Variants in MAP1A observed in about 807,000 individuals in gnomAD.
MAP1A encodes microtubule-associated protein 1A.
A neutral mutation model predicts 185.9 loss-of-function variants in MAP1A; 42 were observed. That is an observed-to-expected ratio of 0.23 (90% CI 0.18 to 0.29). The LOEUF (loss-of-function observed/expected upper bound fraction) is 0.29. Among genes scored for constraint, MAP1A ranks in the 10% least tolerant of loss-of-function variants. The pLI, the probability that MAP1A is intolerant of heterozygous loss-of-function variation, is 1.00. For missense variants in MAP1A, 2,995 were observed against 3,450.4 expected (o/e 0.87, Z 3.31); for synonymous variants, 1,229 against 1,335.9 (o/e 0.92, Z 1.74).
Position 43,525,467 on chromosome 15 carries a change from G to C in MAP1A, c.3994G>C (p.Gly1332Arg). 1.2e-6 allele frequency: 2 copies of C among 1,614,246 alleles called. No individual in the cohort carries two copies. Among genetic ancestry groups the C allele is most frequent in the South Asian group, 1.1e-5 (1 of 91,080 alleles). The change falls in exon 4 of 6, where the codon GGC becomes CGC. Residue 1332 changes from glycine (G) to arginine (R), a missense_variant. Around this residue, in one of 3 missense-constraint regions of MAP1A, gnomAD observed 2,728 missense variants for 2,986.0 expected, o/e 0.91. Coordinates refer to ENST00000300231, the MANE Select transcript of MAP1A (RefSeq NM_002373.6). ...CTCCAAGAGTCCTGAGTCTTTGCCA[G>C]GCCCTGCCTTGGAGGACATTGCCAT... ...SFSKSPESLP[G>R]PALEDIAIKW...
chr15:43,530,006 C>T (rs569982697), intron 5 of MAP1A, 63 bp from the exon 6 acceptor site: 1,500 of 1,571,052 alleles, frequency 9.5e-4, no homozygotes, highest in Non-Finnish European at 1.2e-3. Context: ...ATGAGGTGCC[C>T]CTTCCCCCTC....
In MAP1A at chr15:43,529,931, G is replaced by T; in HGVS notation, c.8256+61G>T. 6.4e-7 allele frequency: 1 copy of T among 1,570,340 alleles called. No homozygotes were observed. The highest frequency in any genetic ancestry group is 1.1e-5 in the South Asian group (1 of 89,366). ...CAACGCTCACTCAGAGGCAGTAGTG[G>T]AACACAGTCCCTATTTATTAAAGGA... On this transcript the variant is annotated intron_variant, in intron 5 of 5. Coordinates refer to ENST00000300231, the MANE Select transcript of MAP1A (RefSeq NM_002373.6). The surrounding 1 kb of genome is among the most constrained non-coding windows in gnomAD (Gnocchi z 4.3).
rs763883565 is a variant in MAP1A, at chr15:43,524,421, G to C, written c.2948G>C (p.Arg983Pro). Residue 983 changes from arginine to proline, a missense_variant, in exon 4 of 6, where the codon CGG becomes CCG. Coordinates refer to ENST00000300231, the MANE Select transcript of MAP1A (RefSeq NM_002373.6). ...GEPALGEAEE[R>P]CLSPDDSTVK... is the part of the protein sequence containing the mutation. Reference sequence around the variant, plus strand: ...CCAGCCCTTGGAGAAGCAGAGGAGCGGTGCCTTAGCCCAGATGACAGCACA... The same window carrying C: ...CCAGCCCTTGGAGAAGCAGAGGAGCCGTGCCTTAGCCCAGATGACAGCACA... 3 of 1,614,050 alleles carry C rather than the reference G, an allele frequency of 1.9e-6. No homozygotes were observed. Among genetic ancestry groups the C allele is most frequent in the Admixed American group, 3.3e-5 (2 of 59,998 alleles).
chr15:43,527,539 A>G lies in MAP1A; in HGVS notation c.6066A>G (p.Ser2022=). 1 of 1,614,042 alleles carries G rather than the reference A, an allele frequency of 6.2e-7. No homozygotes were observed. Among genetic ancestry groups the G allele is most frequent in the Non-Finnish European group, 8.5e-7 (1 of 1,179,974 alleles). The part of the protein sequence containing the change: ...SAEKELSSPI[S]PKSLQSDTPT... ...AGAAGGAGCTTTCATCTCCTATCTC[A>G]CCCAAGAGCCTCCAGTCTGACACTC... is the stretch of plus-strand genomic sequence containing the variant. Residue 2022 remains serine, a synonymous_variant, in exon 4 of 6, where the codon TCA becomes TCG. Coordinates refer to ENST00000300231, the MANE Select transcript of MAP1A (RefSeq NM_002373.6).
Position 43,525,285 on chromosome 15 carries a change from C to G in MAP1A, c.3812C>G (p.Thr1271Ser). The stretch of plus-strand genomic sequence containing the variant: ...GCGTCACCTCCCACAGATGGGACAA[C>G]TCGATACTCTGCACAGACAGACATC... ...ATASPPTDGT[T>S]RYSAQTDITD... is the part of the protein sequence containing the mutation. The change falls in exon 4 of 6, where the codon ACT (threonine) becomes AGT (serine). Residue 1271 changes from threonine to serine, a missense_variant. Physicochemically the swap from Thr to Ser is moderately conservative, Grantham distance 58. Around this residue, in one of 3 missense-constraint regions of MAP1A, gnomAD observed 2,728 missense variants for 2,986.0 expected, o/e 0.91. Coordinates refer to ENST00000300231, the MANE Select transcript of MAP1A (RefSeq NM_002373.6). 1 of 1,614,214 alleles carries G rather than the reference C, an allele frequency of 6.2e-7. No individual in the cohort carries two copies. Among genetic ancestry groups the G allele is most frequent in the Non-Finnish European group, 8.5e-7 (1 of 1,180,050 alleles).
intron 2 of MAP1A, 48 bp downstream of exon 2, chr15:43,520,771 A>G (rs1030026380): frequency 7.6e-6 from 11 of 1,447,014 alleles, no homozygotes; most frequent in South Asian, 4.9e-5. Context: ...TGCAAGTGCT[A>G]TACCCACCCT....
chr15:43,515,661 C>T (rs1303631728), upstream of MAP1A, among the ~76,000 whole-genome samples: 2 of 152,124 alleles, frequency 1.3e-5, no homozygotes, highest in Non-Finnish European at 1.5e-5. Flanking sequence ...ACAGCATTAT[C>T]GGAGGATGGT....
In MAP1A at chr15:43,517,710, G is replaced by A. The variant is rs959702009; in HGVS notation, c.-375+10G>A. Reference sequence around the variant, plus strand: ...CCTCCTACACCCCAGGGTAAGAACCGAACCAAAGGGCTTGGCATGTGGGGG... The same window carrying A: ...CCTCCTACACCCCAGGGTAAGAACCAAACCAAAGGGCTTGGCATGTGGGGG... On this transcript the variant is annotated intron_variant, in intron 1 of 5. Transcript: ENST00000300231. 5.0e-5 allele frequency: 48 copies of A among 968,956 alleles called. No individual in the cohort carries two copies. Among genetic ancestry groups the A allele is most frequent in the Middle Eastern group, 5.3e-4 (1 of 1,904 alleles). 60.0% of individuals were successfully genotyped at this position (968,956 alleles called of 1,614,324 possible). A position where few individuals can be genotyped will look rare whatever the true frequency, so the allele number is the denominator to read the frequency against.
chr15:43,526,306 A>G lies in MAP1A; in HGVS notation c.4833A>G (p.Leu1611=). 1 of 1,614,100 alleles carries G rather than the reference A, an allele frequency of 6.2e-7. No homozygotes were observed. The highest frequency in any genetic ancestry group is 8.5e-7 in the Non-Finnish European group (1 of 1,180,030). ...PEKVKAMEEK[L]EALLEKTKAL... ...AGGTCAAGGCCATGGAAGAGAAGTT[A>G]GAAGCTCTTCTGGAGAAGACCAAAG... The change falls in exon 4 of 6, where the codon TTA becomes TTG. Residue 1611 remains leucine, a synonymous_variant. Coordinates refer to ENST00000300231, the MANE Select transcript of MAP1A (RefSeq NM_002373.6). This position sits in a 1 kb window ranked among gnomAD's most constrained non-coding sequence, Gnocchi z 4.7.
In MAP1A at chr15:43,522,389, A is replaced by G; in HGVS notation, c.916A>G (p.Thr306Ala). 6.2e-7 allele frequency: 1 copy of G among 1,614,144 alleles called. No individual in the cohort carries two copies. The highest frequency in any genetic ancestry group is 1.1e-5 in the South Asian group (1 of 91,080). Residue 306 changes from threonine to alanine, a missense_variant, in exon 4 of 6, where the codon ACC becomes GCC. By Grantham distance (58) the Thr-to-Ala change is moderately conservative. Transcript: ENST00000300231. This position sits in a 1 kb window ranked among gnomAD's most constrained non-coding sequence, Gnocchi z 5.9. ...GGACCTGGCTTCTGGGGCTGTGCCT[A>G]CCAACCTCAAGCCCAGCAAAATCAA... ...QKDLASGAVPTNLKPSKIKQR... is the reference protein window; with the variant it reads ...QKDLASGAVPANLKPSKIKQR...
Position 43,528,013 on chromosome 15 carries a change from G to T in MAP1A, c.6540G>T (p.Leu2180=). The change falls in exon 4 of 6, where the codon CTG becomes CTT. Residue 2180 remains leucine (L), a synonymous_variant. Transcript: ENST00000300231. ...FSSLQPAPPQ[L]PSPAEPRSAP... is the part of the protein sequence containing the mutation. ...CATTGCAGCCAGCTCCCCCACAGCT[G>T]CCCTCTCCAGCTGAACCCCGCTCGG... The T allele has an allele frequency of 6.2e-7, 1 of 1,613,884 alleles. No homozygotes were observed. The highest frequency in any genetic ancestry group is 8.5e-7 in the Non-Finnish European group (1 of 1,180,006).
chr15:43,530,403 G>A lies in MAP1A; in HGVS notation c.*179G>A. ...TTGTCCCTCCCCATCATCCATTCCT[G>A]TGAGGTGTCTCAAACCAAAGTTAAC... On this transcript the variant is annotated 3_prime_UTR_variant, in exon 6 of 6. Transcript: ENST00000300231. The A allele has an allele frequency of 1.4e-6, 1 of 728,498 alleles. No homozygotes were observed. The highest frequency in any genetic ancestry group is 3.0e-5 in the Admixed American group (1 of 33,690). The allele number at this position is 728,498 out of a possible 1,614,324, so 45.1% of individuals were successfully genotyped here. A position where few individuals can be genotyped will look rare whatever the true frequency, so the allele number is the denominator to read the frequency against.
At chr15:43,518,506 C>A (rs2079306695) in intron 1 of MAP1A, among the ~76,000 whole-genome samples, 1 of 152,142 alleles carries the variant, frequency 6.6e-6, no homozygotes, top group Non-Finnish European at 1.5e-5. Context: ...TGCATCCCCC[C>A]ATCCCCACCC....
At position 43,529,085 on chromosome 15, in the gene MAP1A, G is replaced by C; in HGVS notation, c.7612G>C (p.Asp2538His). 6.2e-7 allele frequency: 1 copy of C among 1,613,864 alleles called. No homozygotes were observed. Among genetic ancestry groups the C allele is most frequent in the Middle Eastern group, 1.6e-4 (1 of 6,062 alleles). Residue 2538 changes from aspartate to histidine, a missense_variant, in exon 4 of 6, where the codon GAC becomes CAC. This residue lies in a region of MAP1A where 2,728 missense variants were observed against 2,986.0 expected (regional missense o/e 0.91). Coordinates refer to ENST00000300231, the MANE Select transcript of MAP1A (RefSeq NM_002373.6). This position sits in a 1 kb window ranked among gnomAD's most constrained non-coding sequence, Gnocchi z 4.3. ...AGCCCTCGACTCAGATGAAGATGGAGACTTCCTACCTGTGGACAAAGCTGG... is the reference window on the plus strand; with the variant it reads ...AGCCCTCGACTCAGATGAAGATGGACACTTCCTACCTGTGGACAAAGCTGG... ...EAALDSDEDG[D>H]FLPVDKAGGV...
Position 43,522,011 on chromosome 15 carries a change from G to C in MAP1A, c.538G>C (p.Val180Leu). ...CCAGGCTGAGCCTCTATATCGTGTG[G>C]TCAGCAATACCATTGAGCCACTGAC... is the stretch of plus-strand genomic sequence containing the variant. ...GIQAEPLYRV[V>L]SNTIEPLTLF... The change falls in exon 4 of 6, where the codon GTC becomes CTC. Residue 180 changes from valine (V) to leucine (L), a missense_variant. Val to Leu is a conservative substitution (Grantham distance 32, BLOSUM62 1). This residue lies in a region of MAP1A where 264 missense variants were observed against 435.3 expected (regional missense o/e 0.61). Coordinates refer to ENST00000300231, the MANE Select transcript of MAP1A (RefSeq NM_002373.6). The surrounding 1 kb of genome is among the most constrained non-coding windows in gnomAD (Gnocchi z 5.9). 6.2e-7 allele frequency: 1 copy of C among 1,614,204 alleles called. No homozygotes were observed. The highest frequency in any genetic ancestry group is 8.5e-7 in the Non-Finnish European group (1 of 1,180,042).
intron 2 of MAP1A, among the ~76,000 whole-genome samples, chr15:43,512,476 G>C (rs887675703): frequency 6.6e-6 from 1 of 152,206 alleles, no homozygotes; most frequent in Non-Finnish European, 1.5e-5. Flanking sequence ...GACATGGTTT[G>C]ATACTGGAGG....
upstream of MAP1A, among the ~76,000 whole-genome samples, chr15:43,517,024 T>G (rs541725308): frequency 6.6e-6 from 1 of 152,322 alleles, no homozygotes; most frequent in African/African-American, 2.4e-5. Flanking sequence ...AGGGACCATG[T>G]GTCCACTCCG....
intron 1 of MAP1A, among the ~76,000 whole-genome samples, chr15:43,518,704 G>GCCCCCCCCCCCCCC (rs1415845642): frequency 7.7e-5 from 8 of 104,390 alleles, no homozygotes; most frequent in East Asian, 3.2e-4. Context: ...CTGCACCGCA[G>GCCCCCCCCCCCCCC]CCCACCCCCC....
chr15:43,527,787 C>G lies in MAP1A; in HGVS notation c.6314C>G (p.Thr2105Ser). 1 of 1,613,836 alleles carries G rather than the reference C, an allele frequency of 6.2e-7. No homozygotes were observed. The highest frequency in any genetic ancestry group is 8.5e-7 in the Non-Finnish European group (1 of 1,179,890). Residue 2105 changes from threonine to serine, a missense_variant, in exon 4 of 6, where the codon ACT becomes AGT. This residue lies in a region of MAP1A where 2,728 missense variants were observed against 2,986.0 expected (regional missense o/e 0.91). Coordinates refer to ENST00000300231, the MANE Select transcript of MAP1A (RefSeq NM_002373.6). ...ESGRSHWDDS[T>S]SDSELEKGAR... Reference sequence around the variant, plus strand: ...GGCCGGAGTCACTGGGATGACAGCACTAGTGACTCAGAACTGGAGAAGGGG... The same window carrying G: ...GGCCGGAGTCACTGGGATGACAGCAGTAGTGACTCAGAACTGGAGAAGGGG...
Sources: allele counts gnomAD v4.1 joint callset (sites outside exome capture counted in the v4.1 genomes callset), GRCh38; gene constraint gnomAD v4.1.1; regional missense constraint gnomAD v4.1.1; non-coding constraint Gnocchi (gnomAD v3.1); transcripts MANE v1.5; gene names NCBI Gene and HGNC (gene_info 2026-07-23, HGNC 2026-07-21).